Variants in PACRG observed in about 807,000 individuals in gnomAD.
PACRG encodes parkin coregulated.
PACRG carries 29 observed loss-of-function variants against 29.7 expected under a neutral mutation model. That is an observed-to-expected ratio of 0.98 (90% CI 0.73 to 1.33). The LOEUF (loss-of-function observed/expected upper bound fraction) is 1.33, where lower values mean the gene tolerates loss of function less well. PACRG is among the 40% of genes most tolerant of loss of function. PACRG has a pLI of 0.00. For synonymous variants in PACRG, 116 were observed against 118.7 expected, an observed-to-expected ratio of 0.98 and a Z score of 0.15; for missense variants, 279 against 316.2, an observed-to-expected ratio of 0.88 and a Z score of 0.89.
intron 2 of PACRG, among the ~76,000 whole-genome samples, chr6:162,927,627 G>A (rs114564939): frequency 0.01 from 1,565 of 152,004 alleles, 20 homozygotes; most frequent in African/African-American, 0.028. Context: ...ATGGGGAGGG[G>A]AACAAAACAC....
chr6:162,931,100 A>G (rs1228656224), intron 2 of PACRG, among the ~76,000 whole-genome samples: 2 of 151,646 alleles, frequency 1.3e-5, no homozygotes, highest in African/African-American at 4.8e-5. Context: ...AGAGTTTGCA[A>G]GTATTCTTTC....
intron 4 of PACRG, among the ~76,000 whole-genome samples, chr6:163,229,652 A>T (rs529799243): frequency 1.5e-4 from 23 of 152,300 alleles, no homozygotes; most frequent in Admixed American, 1.2e-3. Context: ...TTAAGTAGTA[A>T]TTCCACACCT....
chr6:162,760,168 C>T (rs1003964038), intron 1 of PACRG, among the ~76,000 whole-genome samples: 8 of 152,328 alleles, frequency 5.3e-5, no homozygotes, highest in Non-Finnish European at 7.3e-5. Context: ...TCCCAGGTGC[C>T]TCTAGGCAAG....
chr6:162,787,580 G>GTATCTATATATATATA lies in PACRG; in HGVS notation c.157-26566_157-26565insATCTATATATATATAT, dbSNP rs746185048. Among the ~76,000 whole-genome samples, 68 of 69,142 alleles carry GTATCTATATATATATA rather than the reference G, an allele frequency of 9.8e-4. 1 individual carries two copies. The highest frequency in any genetic ancestry group is 3.3e-3 in the East Asian group (5 of 1,502). 45.4% of individuals were successfully genotyped at this position (69,142 alleles called of 152,430 possible). On this transcript the variant is annotated intron_variant, in intron 1 of 4. Coordinates refer to ENST00000366888, the MANE Select transcript of PACRG (RefSeq NM_001080379.2). ...TTATTGTGTGTGTGTGTGTGTGTGT[G>GTATCTATATATATATA]TGTATATATATATATATATATATAT...
intron 1 of PACRG, among the ~76,000 whole-genome samples, chr6:162,781,504 C>T (rs1584333790): frequency 6.6e-6 from 1 of 151,482 alleles, no homozygotes; most frequent in Non-Finnish European, 1.5e-5. Context: ...TTTTAATATC[C>T]AATATTTTCT....
At chr6:162,935,088 A>T (rs574662910) in intron 2 of PACRG, among the ~76,000 whole-genome samples, 12 of 152,036 alleles carry the variant, frequency 7.9e-5, no homozygotes, top group Non-Finnish European at 1.6e-4. Flanking sequence ...ATGTGATTGG[A>T]TGCTTTTCTC....
intron 2 of PACRG, among the ~76,000 whole-genome samples, chr6:162,908,102 A>AT (rs1301719076): frequency 1.3e-5 from 2 of 152,180 alleles, no homozygotes; most frequent in South Asian, 2.1e-4. Flanking sequence ...CTGTCTTGTG[A>AT]TTTTTAAGTC....
upstream of PACRG, chr6:162,727,315 A>AGGGGCGGCGGCGGGGCGAC: frequency 2.9e-6 from 1 of 347,812 alleles, no homozygotes. Context: ...GGCGGGGCGA[A>AGGGGCGGCGGCGGGGCGAC]GGTGAGGGGC....
chr6:163,112,145 C>A, intron 4 of PACRG: 10 of 575,050 alleles, frequency 1.7e-5, no homozygotes, highest in Non-Finnish European at 2.0e-5. Flanking sequence ...CCTACCTAGA[C>A]AACAATTGCA....
chr6:163,077,427 G>A (rs529506007), intron 3 of PACRG, among the ~76,000 whole-genome samples: 9 of 152,188 alleles, frequency 5.9e-5, no homozygotes, highest in South Asian at 4.2e-4. Flanking sequence ...CAGACACAGC[G>A]GAAGAAACCT....
At chr6:163,035,158 T>C (rs1400868380) in intron 2 of PACRG, among the ~76,000 whole-genome samples, 1 of 152,190 alleles carries the variant, frequency 6.6e-6, no homozygotes, top group Non-Finnish European at 1.5e-5. Flanking sequence ...GTCTGTTTTA[T>C]CAGCAAGGTG....
At chr6:162,835,292 CT>C (rs910087240) in intron 2 of PACRG, among the ~76,000 whole-genome samples, 3 of 152,048 alleles carry the variant, frequency 2.0e-5, no homozygotes, top group Non-Finnish European at 2.9e-5. Context: ...AAATTTTATT[CT>C]GTTTGCCATT....
intron 2 of PACRG, among the ~76,000 whole-genome samples, chr6:162,837,345 T>C (rs746461808): frequency 3.3e-5 from 5 of 152,150 alleles, no homozygotes; most frequent in Non-Finnish European, 5.9e-5. Flanking sequence ...GCATGTTGAA[T>C]TGGACTCTAG....
At chr6:162,975,361 CA>C (rs1673704742) in intron 2 of PACRG, among the ~76,000 whole-genome samples, 1 of 152,148 alleles carries the variant, frequency 6.6e-6, no homozygotes, top group Non-Finnish European at 1.5e-5. Context: ...CTTGCTAAAT[CA>C]AAAACATGTC....
At chr6:162,899,752 ATAT>A (rs1190675267) in intron 2 of PACRG, among the ~76,000 whole-genome samples, 1 of 152,192 alleles carries the variant, frequency 6.6e-6, no homozygotes, top group Non-Finnish European at 1.5e-5. Context: ...GATACGAGTA[ATAT>A]TAAGATATTC....
intron 4 of PACRG, among the ~76,000 whole-genome samples, chr6:163,268,603 A>G (rs2128178317): frequency 6.6e-6 from 1 of 152,178 alleles, no homozygotes; most frequent in African/African-American, 2.4e-5. Context: ...ACTTTTTCTG[A>G]TGGCCAAATC....
chr6:163,228,012 C>T (rs1480419204), intron 4 of PACRG, among the ~76,000 whole-genome samples: 1 of 152,076 alleles, frequency 6.6e-6, no homozygotes, highest in Non-Finnish European at 1.5e-5. Context: ...TGAAAAACCA[C>T]AATGAACATC....
At chr6:162,878,809 T>G (rs1310931473) in intron 2 of PACRG, among the ~76,000 whole-genome samples, 1 of 151,956 alleles carries the variant, frequency 6.6e-6, no homozygotes, top group African/African-American at 2.4e-5. Context: ...TTAAGATGAA[T>G]GTATATGCAT....
intron 4 of PACRG, among the ~76,000 whole-genome samples, chr6:163,309,463 A>G (rs1453729053): frequency 6.6e-6 from 1 of 152,234 alleles, no homozygotes; most frequent in African/African-American, 2.4e-5. Context: ...TCAGTTCTAC[A>G]GTCTAGCTAT....
Sources: gnomAD v4.1 joint callset for allele counts (sites outside exome capture counted in the v4.1 genomes callset) on GRCh38, gnomAD v4.1.1 for gene constraint, MANE v1.5 for transcripts, NCBI Gene and HGNC (gene_info 2026-07-23, HGNC 2026-07-21) for gene names.